The following NUDT21 variants were observed in gnomAD, a reference collection of about 807,000 sequenced individuals.
The protein encoded by NUDT21 is cleavage and polyadenylation specificity factor subunit 5.
Under a neutral mutation model 29.8 loss-of-function variants are expected in NUDT21, and 5 were observed. That is an observed-to-expected ratio of 0.17 (90% CI 0.09 to 0.35). The LOEUF (loss-of-function observed/expected upper bound fraction) is 0.35, where lower values mean the gene tolerates loss of function less well. Among genes scored for constraint, NUDT21 ranks in the 10% least tolerant of loss-of-function variants. The pLI is 1.00. For synonymous variants in NUDT21, 113 were observed against 98.5 expected, an observed-to-expected ratio of 1.15 and a Z score of -0.87; for missense variants, 76 against 276.0, an observed-to-expected ratio of 0.28 and a Z score of 5.13.
chr16:56,430,749 T>C lies in NUDT21; in HGVS notation c.*1963A>G, dbSNP rs1466880250. The C allele has an allele frequency of 2.6e-5, 4 of 152,370 alleles. No individual in the cohort carries two copies. The highest frequency in any genetic ancestry group is 1.9e-4 in the East Asian group (1 of 5,192). The allele number at this position is 152,370 out of a possible 1,614,324, so 9.4% of individuals were successfully genotyped here. A position where few individuals can be genotyped will look rare whatever the true frequency, so the allele number is the denominator to read the frequency against. ...AGTTTTTAAGACTTCCGTTTGTGTG[T>C]TGCAACTTTTACATTCAAAACCAGA... On this transcript the variant is annotated 3_prime_UTR_variant, in exon 7 of 7. Coordinates refer to ENST00000300291, the MANE Select transcript of NUDT21 (RefSeq NM_007006.3).
Position 56,432,513 on chromosome 16 carries a change from A to G in NUDT21, c.*199T>C. On this transcript the variant is annotated 3_prime_UTR_variant, in exon 7 of 7. Transcript: ENST00000300291. ...AAAGTATGAGCAGAACCGAAAGTAA[A>G]TAAACATTATCACATTTGTTTACAC... 2.4e-6 allele frequency: 1 copy of G among 420,252 alleles called. No homozygotes were observed. Among genetic ancestry groups the G allele is most frequent in the East Asian group, 3.6e-5 (1 of 28,118 alleles). The allele number at this position is 420,252 out of a possible 1,614,324, so 26.0% of individuals were successfully genotyped here. A position where few individuals can be genotyped will look rare whatever the true frequency, so the allele number is the denominator to read the frequency against.
intron 1 of NUDT21, 39 bp from the exon 2 acceptor site, chr16:56,448,028 G>C: frequency 1.9e-6 from 3 of 1,553,056 alleles, no homozygotes; most frequent in Non-Finnish European, 2.7e-6. Context: ...GAGAACTGAA[G>C]AATGTAATTT....
At position 56,432,633 on chromosome 16, in the gene NUDT21, T is replaced by C; in HGVS notation, c.*79A>G. 3.8e-6 allele frequency: 5 copies of C among 1,321,622 alleles called. No individual in the cohort carries two copies. The highest frequency in any genetic ancestry group is 4.1e-6 in the Non-Finnish European group (4 of 965,196). 81.9% of individuals were successfully genotyped at this position (1,321,622 alleles called of 1,614,324 possible). A position where few individuals can be genotyped will look rare whatever the true frequency, so the allele number is the denominator to read the frequency against. On this transcript the variant is annotated 3_prime_UTR_variant, in exon 7 of 7. Coordinates refer to ENST00000300291, the MANE Select transcript of NUDT21 (RefSeq NM_007006.3). ...AGAGATAAAACCAAAAAAACTTTTC[T>C]ACCACATTTATTCTACACTGTATAT...
intron 5 of NUDT21, 143 bp from the exon 6 acceptor site, chr16:56,434,588 G>A (rs1287389788): frequency 1.3e-6 from 1 of 773,054 alleles, no homozygotes; most frequent in Non-Finnish European, 2.2e-6. Flanking sequence ...TGTCTTTCAA[G>A]GTAGATTTCC....
chr16:56,442,049 A>C (rs2143940341), intron 3 of NUDT21, among the ~76,000 whole-genome samples: 1 of 152,232 alleles, frequency 6.6e-6, no homozygotes, highest in Non-Finnish European at 1.5e-5. Context: ...GGGACTACAG[A>C]TGCAAGCCAC....
At chr16:56,441,144 C>T (rs970404521) in intron 3 of NUDT21, among the ~76,000 whole-genome samples, 7 of 152,202 alleles carry the variant, frequency 4.6e-5, no homozygotes, top group South Asian at 2.1e-4. Flanking sequence ...AGCAATCTTC[C>T]GGCCTCAGCC....
chr16:56,443,927 T>C (rs987656943), intron 3 of NUDT21, among the ~76,000 whole-genome samples: 2 of 152,176 alleles, frequency 1.3e-5, no homozygotes, highest in Non-Finnish European at 2.9e-5. Context: ...CAAATGGCAG[T>C]ATCTGAAGTT....
intron 3 of NUDT21, among the ~76,000 whole-genome samples, chr16:56,440,680 A>G (rs112041983): frequency 5.9e-5 from 9 of 152,332 alleles, no homozygotes; most frequent in African/African-American, 2.2e-4. Context: ...AATATGGCTT[A>G]TCACTAATGG....
rs1329698353 is a variant in NUDT21 at position 56,429,780 on chromosome 16, A to G, written c.*2932T>C. Reference sequence around the variant, plus strand: ...AAATTGCAAACTCTGATGCAGTCTCAGTGATTGGCATATACTGTTCCAAAC... The same window carrying G: ...AAATTGCAAACTCTGATGCAGTCTCGGTGATTGGCATATACTGTTCCAAAC... On this transcript the variant is annotated 3_prime_UTR_variant, in exon 7 of 7. Transcript: ENST00000300291. The G allele has an allele frequency of 1.3e-5, 2 of 152,246 alleles. No individual in the cohort carries two copies. Among genetic ancestry groups the G allele is most frequent in the African/African-American group, 4.8e-5 (2 of 41,464 alleles). The allele number at this position is 152,246 out of a possible 1,614,324, so 9.4% of individuals were successfully genotyped here. A position where few individuals can be genotyped will look rare whatever the true frequency, so the allele number is the denominator to read the frequency against.
chr16:56,439,443 T>C, intron 4 of NUDT21: 1 of 495,302 alleles, frequency 2.0e-6, no homozygotes, highest in Admixed American at 3.3e-5. Context: ...CCTGAAGTGC[T>C]GGGATTACAG....
chr16:56,432,412 C>G lies in NUDT21; in HGVS notation c.*300G>C. ...ATCCTAAGGTGGGGGGAAAAATGAT[C>G]CTCACCTATAAGAATTTTAGAAGTT... On this transcript the variant is annotated 3_prime_UTR_variant, in exon 7 of 7. Coordinates refer to ENST00000300291, the MANE Select transcript of NUDT21 (RefSeq NM_007006.3). The G allele has an allele frequency of 3.9e-6, 1 of 255,236 alleles. No homozygotes were observed. Among genetic ancestry groups the G allele is most frequent in the Non-Finnish European group, 7.4e-6 (1 of 134,660 alleles). 15.8% of individuals were successfully genotyped at this position (255,236 alleles called of 1,614,324 possible). A position where few individuals can be genotyped will look rare whatever the true frequency, so the allele number is the denominator to read the frequency against.
intron 4 of NUDT21, among the ~76,000 whole-genome samples, chr16:56,436,474 A>G (rs907177400): frequency 2.6e-5 from 4 of 152,208 alleles, no homozygotes; most frequent in Non-Finnish European, 5.9e-5. Flanking sequence ...GAATAATTAT[A>G]TATCAGAGCC....
intron 3 of NUDT21, among the ~76,000 whole-genome samples, chr16:56,443,538 C>G (rs1244856688): frequency 6.6e-6 from 1 of 152,154 alleles, no homozygotes; most frequent in East Asian, 1.9e-4. Context: ...CTCCCTGCCC[C>G]CAAACTCATG....
At chr16:56,450,989 T>C (rs1596959788) in intron 1 of NUDT21, 98 bp downstream of exon 1, 4 of 957,564 alleles carry the variant, frequency 4.2e-6, no homozygotes, top group South Asian at 1.4e-5. Flanking sequence ...GGCGGGGAGG[T>C]GCAGAGGCGT....
chr16:56,432,342 T>C lies in NUDT21; in HGVS notation c.*370A>G, dbSNP rs1962043148. 5.7e-6 allele frequency: 1 copy of C among 174,650 alleles called. No homozygotes were observed. The highest frequency in any genetic ancestry group is 1.8e-4 in the South Asian group (1 of 5,582). The allele number at this position is 174,650 out of a possible 1,614,324, so 10.8% of individuals were successfully genotyped here. On this transcript the variant is annotated 3_prime_UTR_variant, in exon 7 of 7. Transcript: ENST00000300291. The stretch of plus-strand genomic sequence containing the variant: ...GAATGGTATCAAAGCAAGGGTCCAA[T>C]AAACTTGACTGACTTAAACCTGTCA...
rs773512066 is a variant in NUDT21, at chr16:56,439,708, G to A, written c.420C>T (p.Val140=). 11 of 1,613,924 alleles carry A rather than the reference G, an allele frequency of 6.8e-6. No homozygotes were observed. The highest frequency in any genetic ancestry group is 1.3e-5 in the African/African-American group (1 of 74,902). ...ACCAGTTACCAATGCAATCGTCAATGACCCAGTCTTGCAAAACTCCATCCT... is the reference window on the plus strand; with the variant it reads ...ACCAGTTACCAATGCAATCGTCAATAACCCAGTCTTGCAAAACTCCATCCT... The part of the protein sequence containing the change: ...GRQDGVLQDW[V]IDDCIGNWWR... Residue 140 remains valine, a synonymous_variant, in exon 4 of 7, where the codon GTC becomes GTT. Coordinates refer to ENST00000300291, the MANE Select transcript of NUDT21 (RefSeq NM_007006.3).
At chr16:56,448,726 T>C (rs1369789507) in intron 1 of NUDT21, among the ~76,000 whole-genome samples, 1 of 152,176 alleles carries the variant, frequency 6.6e-6, no homozygotes, top group Admixed American at 6.5e-5. Flanking sequence ...AAGGATCAAA[T>C]TTTTCTTTAA....
At chr16:56,434,705 T>C (rs1299641587) in intron 5 of NUDT21, 49 bp downstream of exon 5, 1 of 1,224,842 alleles carries the variant, frequency 8.2e-7, no homozygotes, top group Admixed American at 1.7e-5. Flanking sequence ...TCCTTGAAAT[T>C]ATTCTACAGA....
intron 1 of NUDT21, chr16:56,449,219 G>A (rs1189227477): frequency 6.6e-6 from 1 of 152,178 alleles, no homozygotes; most frequent in Non-Finnish European, 1.5e-5. Flanking sequence ...TGTTGCAAGA[G>A]CCAGCTCCAA....
Sources: gnomAD v4.1 joint callset for allele counts (sites outside exome capture counted in the v4.1 genomes callset) on GRCh38, gnomAD v4.1.1 for gene constraint, MANE v1.5 for transcripts, NCBI Gene and HGNC (gene_info 2026-07-23, HGNC 2026-07-21) for gene names.